CADPS2: variants seen among roughly 807,000 people sequenced by gnomAD.
CADPS2 encodes calcium dependent secretion activator 2, also known as calcium-dependent secretion activator 2.
In CADPS2, 93 loss-of-function variants were observed where a neutral mutation model predicts 172.5. That is an observed-to-expected ratio of 0.54 (90% CI 0.46 to 0.64). The LOEUF is 0.64. Among genes scored for constraint, CADPS2 ranks in the 30% least tolerant of loss-of-function variants. The probability of loss-of-function intolerance (pLI) is 0.00; values close to 1 mark genes in which losing one functional copy is unlikely to be tolerated. For missense variants in CADPS2, 1,420 were observed against 1,565.9 expected (o/e 0.91, Z 1.57); for synonymous variants, 546 against 555.2 (o/e 0.98, Z 0.23).
chr7:122,548,467 A>G lies in CADPS2; in HGVS notation c.1475+6083T>C, dbSNP rs567944726. On this transcript the variant is annotated intron_variant, in intron 8 of 29. Transcript: ENST00000449022. ...CCTGAGATGAAATTAAAACTAACTC[A>G]CCTGGTATGTAAATCTAATGAGATC... Among the ~76,000 whole-genome samples the G allele has an allele frequency of 2.6e-5, 4 of 152,270 alleles. No individual in the cohort carries two copies. The South Asian group carries it at 8.3e-4, about 32-fold the overall frequency.
Position 122,711,186 on chromosome 7 carries a change from G to A in CADPS2, c.453+25769C>T, listed in dbSNP as rs1365414544. On this transcript the variant is annotated intron_variant, in intron 2 of 29. Coordinates refer to ENST00000449022, the MANE Select transcript of CADPS2 (RefSeq NM_017954.11). ...GTCTTACATTTTCTCTCCAAAAGTCGAGAATAAATTTCATCTACATCTCTG... is the reference window on the plus strand; with the variant it reads ...GTCTTACATTTTCTCTCCAAAAGTCAAGAATAAATTTCATCTACATCTCTG... Among the ~76,000 whole-genome samples, 3 of 152,118 alleles carry A rather than the reference G, an allele frequency of 2.0e-5. No individual in the cohort carries two copies. In the East Asian group the frequency reaches 5.8e-4, roughly 29 times the overall value.
At chr7:122,368,409 G>A (rs1200113335) in intron 25 of CADPS2, among the ~76,000 whole-genome samples, 1 of 152,092 alleles carries the variant, frequency 6.6e-6, no homozygotes, top group African/African-American at 2.4e-5. Context: ...ATGGTGTTGT[G>A]GAGAGATCAT....
At chr7:122,341,453 T>G (rs1233246708) in intron 28 of CADPS2, among the ~76,000 whole-genome samples, 1 of 152,218 alleles carries the variant, frequency 6.6e-6, no homozygotes, top group Non-Finnish European at 1.5e-5. Flanking sequence ...ATCTTTAGTT[T>G]ACACGTACTA....
At chr7:122,803,846 C>G (rs1238276302) in intron 1 of CADPS2, among the ~76,000 whole-genome samples, 1 of 151,948 alleles carries the variant, frequency 6.6e-6, no homozygotes, top group African/African-American at 2.4e-5. Flanking sequence ...TCCTGGTTTT[C>G]CTAATACACA....
intron 10 of CADPS2, 71 bp downstream of exon 10, chr7:122,491,241 C>G: frequency 1.0e-6 from 1 of 968,736 alleles, no homozygotes; most frequent in Middle Eastern, 2.2e-4. Flanking sequence ...AATTGTAGAA[C>G]AGACAAAGGA....
At chr7:122,571,934 T>G (rs1451985180) in intron 7 of CADPS2, among the ~76,000 whole-genome samples, 1 of 152,152 alleles carries the variant, frequency 6.6e-6, no homozygotes, top group African/African-American at 2.4e-5. Context: ...TATACTAATT[T>G]TTCACAAATA....
chr7:122,589,874 G>A (rs1034153822), intron 6 of CADPS2, among the ~76,000 whole-genome samples: 9 of 151,784 alleles, frequency 5.9e-5, no homozygotes, highest in East Asian at 3.9e-4. Flanking sequence ...GTACTTAAAC[G>A]TATATTTTAA....
chr7:122,427,442 AGT>A (rs1337901877), intron 17 of CADPS2: 1 of 152,232 alleles, frequency 6.6e-6, no homozygotes, highest in Non-Finnish European at 1.5e-5. Context: ...TACAATAAAG[AGT>A]ACTAAATTTA....
chr7:122,662,310 A>C (rs921046068), intron 3 of CADPS2, among the ~76,000 whole-genome samples: 5 of 151,984 alleles, frequency 3.3e-5, no homozygotes, highest in African/African-American at 1.2e-4. Flanking sequence ...GGACTACATT[A>C]TTAGACAAAT....
At chr7:122,381,741 G>C (rs1019250745) in intron 24 of CADPS2, among the ~76,000 whole-genome samples, 2 of 151,962 alleles carry the variant, frequency 1.3e-5, no homozygotes, top group Non-Finnish European at 2.9e-5. Context: ...GAGACAAAGA[G>C]AAAAAGAGGA....
intron 17 of CADPS2, among the ~76,000 whole-genome samples, chr7:122,417,617 C>A (rs1016529700): frequency 4.6e-5 from 7 of 152,172 alleles, no homozygotes; most frequent in Non-Finnish European, 1.0e-4. Flanking sequence ...CAAGGAGGCT[C>A]ATGACTTTGC....
intron 24 of CADPS2, among the ~76,000 whole-genome samples, chr7:122,385,875 C>T (rs1044875262): frequency 3.3e-5 from 5 of 152,006 alleles, no homozygotes; most frequent in Admixed American, 3.3e-4. Context: ...TCATCTAAAG[C>T]TCCAAACTTG....
intron 28 of CADPS2, among the ~76,000 whole-genome samples, chr7:122,344,609 G>A (rs904804528): frequency 1.3e-5 from 2 of 152,138 alleles, no homozygotes; most frequent in Admixed American, 6.5e-5. Context: ...CAACAGTAGA[G>A]TGGCAGATAT....
chr7:122,578,397 G>C (rs1048936265), intron 7 of CADPS2, among the ~76,000 whole-genome samples: 2 of 152,098 alleles, frequency 1.3e-5, no homozygotes, highest in South Asian at 4.1e-4. Flanking sequence ...ACGGTGTAAG[G>C]AAAGAATGAC....
chr7:122,451,811 C>T (rs911294365), intron 14 of CADPS2, among the ~76,000 whole-genome samples: 12 of 152,052 alleles, frequency 7.9e-5, no homozygotes, highest in Non-Finnish European at 1.8e-4. Flanking sequence ...GTGAAATCCC[C>T]TGAATGAAAA....
At chr7:122,438,036 C>T (rs1271826329) in intron 17 of CADPS2, among the ~76,000 whole-genome samples, 1 of 152,074 alleles carries the variant, frequency 6.6e-6, no homozygotes, top group Non-Finnish European at 1.5e-5. Context: ...GTTAGACATA[C>T]TTAAAGTACT....
chr7:122,845,183 C>G (rs1366062547), intron 1 of CADPS2, among the ~76,000 whole-genome samples: 2 of 152,168 alleles, frequency 1.3e-5, no homozygotes, highest in Non-Finnish European at 2.9e-5. Flanking sequence ...AAATACTTTT[C>G]TCTCATGTCC....
At chr7:122,592,633 T>C (rs1455325929) in intron 6 of CADPS2, among the ~76,000 whole-genome samples, 1 of 152,034 alleles carries the variant, frequency 6.6e-6, no homozygotes, top group African/African-American at 2.4e-5. Flanking sequence ...TGTGGCAATA[T>C]ACACCATGGA....
At chr7:122,775,775 T>A (rs2093861703) in intron 1 of CADPS2, among the ~76,000 whole-genome samples, 2 of 152,344 alleles carry the variant, frequency 1.3e-5, no homozygotes, top group East Asian at 1.9e-4. Context: ...TCAGTTTTTT[T>A]AATTAGCAGT....
Sources: gnomAD v4.1 joint callset for allele counts (sites outside exome capture counted in the v4.1 genomes callset) on GRCh38, gnomAD v4.1.1 for gene constraint, MANE v1.5 for transcripts, NCBI Gene and HGNC (gene_info 2026-07-23, HGNC 2026-07-21) for gene names.